The following GRM7 variants were observed in gnomAD, a reference collection of about 807,000 sequenced individuals.
GRM7 encodes the protein metabotropic glutamate receptor 7.
A neutral mutation model predicts 84.5 loss-of-function variants in GRM7; 35 were observed. The observed-to-expected ratio is 0.41, with a 90% CI of 0.32 to 0.55. The LOEUF (loss-of-function observed/expected upper bound fraction) is 0.55. Ranked by LOEUF, GRM7 falls within the 20% of genes least tolerant of loss-of-function variation. The pLI is 0.19. For missense variants in GRM7, 1,003 were observed against 1,194.6 expected (o/e 0.84, Z 2.36); for synonymous variants, 487 against 455.1 (o/e 1.07, Z -0.89).
At chr3:7,301,973 A>G (rs1361989692) in intron 3 of GRM7, among the ~76,000 whole-genome samples, 2 of 152,194 alleles carry the variant, frequency 1.3e-5, no homozygotes, top group African/African-American at 2.4e-5. Context: ...TAAATCAGTC[A>G]TGGGTATAGA....
intron 8 of GRM7, among the ~76,000 whole-genome samples, chr3:7,624,976 T>G (rs560622017): frequency 6.6e-6 from 1 of 152,194 alleles, no homozygotes; most frequent in African/African-American, 2.4e-5. Context: ...CTGTTGGCAG[T>G]GAAAGGATAA....
At chr3:7,737,056 T>C (rs771075259) in intron 9 of GRM7, among the ~76,000 whole-genome samples, 9 of 152,192 alleles carry the variant, frequency 5.9e-5, no homozygotes, top group Non-Finnish European at 1.0e-4. Flanking sequence ...TCCTTGAATC[T>C]GGGTTACGCG....
chr3:6,924,578 G>A (rs1169798087), intron 1 of GRM7, among the ~76,000 whole-genome samples: 1 of 152,122 alleles, frequency 6.6e-6, no homozygotes, highest in Admixed American at 6.6e-5. Context: ...TTAAGATATT[G>A]TGGCTAAGTA....
At chr3:7,393,194 G>T (rs1164510283) in intron 4 of GRM7, among the ~76,000 whole-genome samples, 3 of 152,022 alleles carry the variant, frequency 2.0e-5, no homozygotes, top group Non-Finnish European at 4.4e-5. Flanking sequence ...GTCTCTCCTC[G>T]GGGCAGTGCA....
intron 2 of GRM7, among the ~76,000 whole-genome samples, chr3:7,252,720 T>C (rs3966972): frequency 0.9 from 133,200 of 148,414 alleles, 60,027 homozygotes; most frequent in East Asian, 0.98. Context: ...GATGGAGTTT[T>C]GCTGTGTTGC....
chr3:7,066,023 A>C (rs1697642685), intron 1 of GRM7, among the ~76,000 whole-genome samples: 1 of 151,986 alleles, frequency 6.6e-6, no homozygotes, highest in East Asian at 1.9e-4. Context: ...GGATACAGCA[A>C]AGGCGGTGCC....
chr3:7,647,553 G>C (rs562651443), intron 8 of GRM7, among the ~76,000 whole-genome samples: 29 of 152,266 alleles, frequency 1.9e-4, no homozygotes, highest in African/African-American at 6.7e-4. Flanking sequence ...ACAATAGAAA[G>C]CCAATGGGGA....
chr3:7,661,947 T>G (rs1343588144), intron 8 of GRM7, among the ~76,000 whole-genome samples: 1 of 151,896 alleles, frequency 6.6e-6, no homozygotes, highest in African/African-American at 2.4e-5. Context: ...AATATGTATA[T>G]AGTCCTACAC....
At chr3:7,311,925 C>A (rs1419468965) in intron 4 of GRM7, among the ~76,000 whole-genome samples, 2 of 152,126 alleles carry the variant, frequency 1.3e-5, no homozygotes, top group African/African-American at 4.8e-5. Context: ...CACTGTACAG[C>A]TTTGGAAAGA....
intron 4 of GRM7, among the ~76,000 whole-genome samples, chr3:7,389,260 T>C (rs754381149): frequency 6.6e-6 from 1 of 152,116 alleles, no homozygotes; most frequent in Non-Finnish European, 1.5e-5. Flanking sequence ...GGATTTTGAT[T>C]TTTTGAACTT....
chr3:7,258,744 C>T (rs1698300763), intron 2 of GRM7, among the ~76,000 whole-genome samples: 1 of 152,180 alleles, frequency 6.6e-6, no homozygotes, highest in Admixed American at 6.5e-5. Flanking sequence ...CACAATCCAT[C>T]ATCTCCTTCT....
intron 1 of GRM7, among the ~76,000 whole-genome samples, chr3:6,957,619 C>T (rs916937730): frequency 1.3e-5 from 2 of 152,114 alleles, no homozygotes; most frequent in Non-Finnish European, 2.9e-5. Context: ...TCATTCCCAC[C>T]CCGATTTACC....
At chr3:7,007,813 T>C (rs963334223) in intron 1 of GRM7, among the ~76,000 whole-genome samples, 1 of 152,186 alleles carries the variant, frequency 6.6e-6, no homozygotes, top group Non-Finnish European at 1.5e-5. Context: ...AGCTTCCAGT[T>C]TATCCCAAAT....
At position 6,861,481 on chromosome 3, in the gene GRM7, G is replaced by T. The variant is rs1013346479; in HGVS notation, c.93G>T (p.Ala31=). 18 of 1,581,536 alleles carry T rather than the reference G, an allele frequency of 1.1e-5. No homozygotes were observed. Among genetic ancestry groups the T allele is most frequent in the Non-Finnish European group, 1.5e-5 (17 of 1,167,386 alleles). Residue 31 remains alanine, a synonymous_variant, in exon 1 of 10, where the codon GCG becomes GCT. Transcript: ENST00000357716. The surrounding 1 kb of genome is among the most constrained non-coding windows in gnomAD (Gnocchi z 6.4). The part of the protein sequence containing the change: ...LEVLLCALAA[A]ARGQEMYAPH... ...TGCTCCTGTGCGCGCTGGCGGCGGC[G>T]GCGCGCGGCCAGGAGATGTACGCCC...
intron 2 of GRM7, among the ~76,000 whole-genome samples, chr3:7,184,301 C>T (rs893038978): frequency 2.0e-5 from 3 of 152,036 alleles, no homozygotes; most frequent in African/African-American, 7.2e-5. Context: ...ATTGCCCCTA[C>T]TGTGATCTGT....
At chr3:7,665,676 G>GC (rs113615355) in intron 8 of GRM7, among the ~76,000 whole-genome samples, 81,556 of 151,874 alleles carry the variant, frequency 0.54, 22,710 homozygotes, top group African/African-American at 0.67. Flanking sequence ...CATTAAATAA[G>GC]TTTTTAATTG....
chr3:7,052,514 A>T (rs2124956895), intron 1 of GRM7, among the ~76,000 whole-genome samples: 1 of 151,624 alleles, frequency 6.6e-6, no homozygotes, highest in East Asian at 1.9e-4. Flanking sequence ...TTGTCCTCCA[A>T]TTTTATTTGT....
chr3:7,726,610 C>CCTCT (rs1353118618), intron 9 of GRM7, among the ~76,000 whole-genome samples: 1 of 30,496 alleles, frequency 3.3e-5, no homozygotes, highest in African/African-American at 1.2e-4. Flanking sequence ...TCTCTCTCTC[C>CCTCT]CTCTATATAT....
intron 1 of GRM7, among the ~76,000 whole-genome samples, chr3:7,010,325 G>A (rs920151616): frequency 5.9e-5 from 9 of 152,164 alleles, no homozygotes; most frequent in Non-Finnish European, 1.3e-4. Context: ...ATGGCAGTGT[G>A]TGCCTGTAGT....
Sources: gnomAD v4.1 joint callset for allele counts (sites outside exome capture counted in the v4.1 genomes callset) on GRCh38, gnomAD v4.1.1 for gene constraint, Gnocchi (gnomAD v3.1) non-coding constraint, MANE v1.5 for transcripts, NCBI Gene and HGNC (gene_info 2026-07-23, HGNC 2026-07-21) for gene names.